The following CNIH3 variants were observed in gnomAD, a reference collection of about 807,000 sequenced individuals.
CNIH3 encodes the protein cornichon family AMPA receptor auxiliary protein 3.
A neutral mutation model predicts 24.1 loss-of-function variants in CNIH3; 14 were observed. That is an observed-to-expected ratio of 0.58 (90% CI 0.38 to 0.91). The LOEUF (loss-of-function observed/expected upper bound fraction) is 0.91. Ranked by LOEUF, CNIH3 falls within the 40% of genes least tolerant of loss-of-function variation. CNIH3 has a pLI of 0.00. For synonymous variants in CNIH3, 68 were observed against 73.8 expected, an observed-to-expected ratio of 0.92 and a Z score of 0.40; for missense variants, 178 against 196.8, an observed-to-expected ratio of 0.90 and a Z score of 0.57.
At chr1:224,627,596 CACGTCTGGCTAGGATGGT>C (rs1412937438) in intron 1 of CNIH3, among the ~76,000 whole-genome samples, 1 of 152,190 alleles carries the variant, frequency 6.6e-6, no homozygotes, top group Admixed American at 6.5e-5. Context: ...CTGCAGGAGC[CACGTCTGGCTAGGATGGT>C]ATGTCTGGCA....
intron 1 of CNIH3, among the ~76,000 whole-genome samples, chr1:224,446,212 G>GT (rs35812016): frequency 0.21 from 23,219 of 108,820 alleles, 2,315 homozygotes; most frequent in Non-Finnish European, 0.25. Context: ...TTTCAACTTT[G>GT]TTTTTTTTTT....
At chr1:224,724,514 G>T (rs964041209) in intron 3 of CNIH3, among the ~76,000 whole-genome samples, 1 of 152,214 alleles carries the variant, frequency 6.6e-6, no homozygotes, top group African/African-American at 2.4e-5. Context: ...TCCATGCTGG[G>T]AATACTGACT....
At chr1:224,655,353 G>C (rs1018834267) in intron 1 of CNIH3, among the ~76,000 whole-genome samples, 1 of 152,162 alleles carries the variant, frequency 6.6e-6, no homozygotes, top group African/African-American at 2.4e-5. Context: ...AGGCCAGATG[G>C]TGCATTCTTC....
intron 1 of CNIH3, among the ~76,000 whole-genome samples, chr1:224,506,182 T>G (rs190210402): frequency 5.7e-4 from 87 of 152,272 alleles, no homozygotes; most frequent in African/African-American, 1.9e-3. Context: ...GAGTATTAAA[T>G]AAACCAAAAA....
chr1:224,526,245 C>T (rs1338803522), intron 2 of CNIH3, among the ~76,000 whole-genome samples: 1 of 152,146 alleles, frequency 6.6e-6, no homozygotes, highest in East Asian at 1.9e-4. Flanking sequence ...ATGTTGGTGT[C>T]CCCCCAAATT....
rs747661967 is a variant in CNIH3 at position 224,617,170 on chromosome 1, C to T, written c.-5C>T. On this transcript the variant is annotated 5_prime_UTR_variant, in exon 1 of 6. Coordinates refer to ENST00000272133, the MANE Select transcript of CNIH3 (RefSeq NM_152495.2). ...CGTGTGTGGTGGGATTGGGGTCCGC[C>T]GGCCATGGCCTTCACTTTCGCTGCG... The T allele has an allele frequency of 6.2e-7, 1 of 1,613,846 alleles. No individual in the cohort carries two copies. The highest frequency in any genetic ancestry group is 1.1e-5 in the South Asian group (1 of 91,036).
rs140749310 is a variant in CNIH3 at position 224,679,142 on chromosome 1, A to T, written c.82-1816A>T. 1.2e-3 allele frequency among the ~76,000 whole-genome samples: 187 copies of T among 152,022 alleles called. 4 individuals are homozygous for T. In the East Asian group the frequency reaches 0.029, roughly 24 times the overall value. The stretch of plus-strand genomic sequence containing the variant: ...TTTAAAAAAATGTTAAAAACATGAA[A>T]CCCCATCTCCACTAAAAATATAAAA... On this transcript the variant is annotated intron_variant, in intron 1 of 5. Coordinates refer to ENST00000272133, the MANE Select transcript of CNIH3 (RefSeq NM_152495.2).
intron 1 of CNIH3, among the ~76,000 whole-genome samples, chr1:224,657,222 A>G (rs987893457): frequency 3.9e-5 from 6 of 152,154 alleles, no homozygotes; most frequent in Non-Finnish European, 8.8e-5. Context: ...TAGGCCAGAC[A>G]GGAATGGAGG....
chr1:224,588,274 GA>G (rs916790773), intron 5 of CNIH3: 1 of 152,146 alleles, frequency 6.6e-6, no homozygotes, highest in Non-Finnish European at 1.5e-5. Context: ...TTGAATGAAT[GA>G]AAAAATTCAG....
rs190432920 is a variant in CNIH3 at position 224,658,769 on chromosome 1, A to G, written c.82-22189A>G. On this transcript the variant is annotated intron_variant, in intron 1 of 5. Transcript: ENST00000272133. Reference sequence around the variant, plus strand: ...CTCAAAAGGTAAACAGAAATCTCCTATTATCTCTTATTAATATTACATATT... The same window carrying G: ...CTCAAAAGGTAAACAGAAATCTCCTGTTATCTCTTATTAATATTACATATT... Among the ~76,000 whole-genome samples the G allele has an allele frequency of 1.8e-3, 270 of 151,154 alleles. 2 individuals carry two copies. The highest frequency in any genetic ancestry group is 6.4e-3 in the African/African-American group (265 of 41,152).
rs1027098645 is a variant in CNIH3, at chr1:224,460,287, A to G, written n.203+25425A>G. 7.2e-5 allele frequency among the ~76,000 whole-genome samples: 11 copies of G among 152,322 alleles called. No individual in the cohort carries two copies. In the East Asian group the frequency reaches 1.7e-3, roughly 24 times the overall value. On this transcript the variant is annotated intron_variant and non_coding_transcript_variant, in intron 1 of 5. Transcript: ENST00000471578. The stretch of plus-strand genomic sequence containing the variant: ...GCTTATATTTAAAGTGGATAATTTG[A>G]TAAGTTTTGCCATATGTTTACATCT...
chr1:224,441,570 T>C (rs148463867), intron 1 of CNIH3, among the ~76,000 whole-genome samples: 26 of 152,372 alleles, frequency 1.7e-4, no homozygotes, highest in Non-Finnish European at 3.5e-4. Flanking sequence ...TCTGACATTA[T>C]GATAATCACA....
At chr1:224,438,777 GCAGCCCCT>G (rs1054576971) in intron 1 of CNIH3, among the ~76,000 whole-genome samples, 7 of 152,122 alleles carry the variant, frequency 4.6e-5, no homozygotes, top group African/African-American at 1.7e-4. Context: ...TTTAACTTTC[GCAGCCCCT>G]CAGGCATGTC....
rs139863255 is a variant in CNIH3 at position 224,687,689 on chromosome 1, C to T, written c.198+2846C>T. On this transcript the variant is annotated intron_variant, in intron 3 of 5. Coordinates refer to ENST00000272133, the MANE Select transcript of CNIH3 (RefSeq NM_152495.2). ...ATCATTGTTACAGGACCACCAGCTTCGTACCAGGACCACCAGCTTTGCACC... is the reference window on the plus strand; with the variant it reads ...ATCATTGTTACAGGACCACCAGCTTTGTACCAGGACCACCAGCTTTGCACC... 1.5e-3 allele frequency among the ~76,000 whole-genome samples: 225 copies of T among 152,302 alleles called. 1 individual carries two copies. Among genetic ancestry groups the T allele is most frequent in the Admixed American group, 3.0e-3 (46 of 15,294 alleles).
chr1:224,688,188 A>G (rs1281615763), intron 3 of CNIH3, among the ~76,000 whole-genome samples: 1 of 152,214 alleles, frequency 6.6e-6, no homozygotes, highest in Admixed American at 6.5e-5. Context: ...GCTTTTGTTA[A>G]AAGTCAAGCA....
At chr1:224,472,052 T>C (rs1227525869) in intron 1 of CNIH3, among the ~76,000 whole-genome samples, 1 of 152,232 alleles carries the variant, frequency 6.6e-6, no homozygotes, top group Non-Finnish European at 1.5e-5. Flanking sequence ...TTCGATATAC[T>C]GATTTCCTTT....
intron 2 of CNIH3, among the ~76,000 whole-genome samples, chr1:224,522,310 C>A (rs555155479): frequency 6.6e-6 from 1 of 152,288 alleles, no homozygotes; most frequent in Admixed American, 6.5e-5. Context: ...AAAATGAGTT[C>A]TCTGTTACAT....
Position 224,556,575 on chromosome 1 carries a change from A to G in CNIH3, n.451-9624A>G, listed in dbSNP as rs1680149011. Among the ~76,000 whole-genome samples, 5 of 152,160 alleles carry G rather than the reference A, an allele frequency of 3.3e-5. No homozygotes were observed. The South Asian group carries it at 1.0e-3, about 32-fold the overall frequency. ...TCTTTCCATGGATGGGGCAGGGTGTATGGTTTCAGGATGAAACTGTTCCAC... is the reference window on the plus strand; with the variant it reads ...TCTTTCCATGGATGGGGCAGGGTGTGTGGTTTCAGGATGAAACTGTTCCAC... On this transcript the variant is annotated intron_variant and non_coding_transcript_variant, in intron 3 of 5. Coordinates refer to the CNIH3 transcript ENST00000471578.
chr1:224,613,318 G>A (rs1483860226), upstream of CNIH3, among the ~76,000 whole-genome samples: 5 of 152,100 alleles, frequency 3.3e-5, no homozygotes. Flanking sequence ...TTTCTTTAAT[G>A]ACAATTTATA....
Sources: gnomAD v4.1 joint callset for allele counts (sites outside exome capture counted in the v4.1 genomes callset) on GRCh38, gnomAD v4.1.1 for gene constraint, MANE v1.5 for transcripts, NCBI Gene and HGNC (gene_info 2026-07-23, HGNC 2026-07-21) for gene names.